Variants in INSL6 observed in about 807,000 individuals in gnomAD.
INSL6 encodes insulin-like peptide INSL6.
INSL6 carries 16 observed loss-of-function variants against 9.4 expected under a neutral mutation model. That is an observed-to-expected ratio of 1.70 (90% CI 1.15 to 2.59). The LOEUF is 2.59. Among genes scored for constraint, INSL6 ranks in the 30% most tolerant of loss-of-function variants. INSL6 has a pLI of 0.00. For synonymous variants in INSL6, 154 were observed against 96.9 expected (o/e 1.59, Z -3.46); for missense variants, 391 against 257.3 (o/e 1.52, Z -3.56).
the INSL6 span, among the ~76,000 whole-genome samples, chr9:5,067,593 T>A: frequency 6.6e-6 from 1 of 151,994 alleles, no homozygotes; most frequent in Admixed American, 6.6e-5. Context: ...CTATCCTAAT[T>A]TCAAAGTATC....
rs778719232 is a variant in INSL6, at chr9:5,185,369, G to A, written c.234C>T (p.Tyr78=). The A allele has an allele frequency of 6.2e-7, 1 of 1,614,154 alleles. No homozygotes were observed. Among genetic ancestry groups the A allele is most frequent in the Non-Finnish European group, 8.5e-7 (1 of 1,180,026 alleles). ...AAGCGGTTTGCGGGCTTTCGAACTG[G>A]TATGGGCTGTAGGCTTCGACCTTCT... The part of the protein sequence containing the change: ...ASEKVEAYSP[Y]QFESPQTASP... The change falls in exon 1 of 2, where the codon TAC becomes TAT. Residue 78 remains tyrosine, a synonymous_variant. Transcript: ENST00000381641.
the INSL6 span, among the ~76,000 whole-genome samples, chr9:5,113,269 A>G: frequency 6.7e-6 from 1 of 149,846 alleles, no homozygotes; most frequent in African/African-American, 2.5e-5. Flanking sequence ...CTTTGTCAGA[A>G]AAGAAAAAAA....
rs547696398 is a variant in INSL6 at position 5,171,995 on chromosome 9, G to A, written c.290-7730C>T. Among the ~76,000 whole-genome samples, 27 of 152,186 alleles carry A rather than the reference G, an allele frequency of 1.8e-4. 1 individual carries two copies. In the East Asian group the frequency reaches 4.3e-3, roughly 24 times the overall value. On this transcript the variant is annotated intron_variant, in intron 1 of 1. Coordinates refer to ENST00000381641, the MANE Select transcript of INSL6 (RefSeq NM_007179.3). ...ACTAGAAGAAACTATTTAAAAAGTC[G>A]TATGGAACCAAAAGAGCTCAAACAG...
chr9:5,021,908 C>A, the INSL6 span: 2 of 1,023,438 alleles, frequency 2.0e-6, no homozygotes, highest in Non-Finnish European at 3.0e-6. Flanking sequence ...GCTAGGATTA[C>A]AGGTGTGAGA....
the INSL6 span, among the ~76,000 whole-genome samples, chr9:5,032,642 G>C: frequency 1.3e-5 from 2 of 152,232 alleles, no homozygotes; most frequent in African/African-American, 4.8e-5. Flanking sequence ...ACAGGGTCTG[G>C]AGTGGACCTC....
rs145724246 is a variant in INSL6, at chr9:5,185,367, T to C, written c.236A>G (p.Gln79Arg). ...SEKVEAYSPYQFESPQTASPA... is the reference protein window; with the variant it reads ...SEKVEAYSPYRFESPQTASPA... ...GGAAGCGGTTTGCGGGCTTTCGAAC[T>C]GGTATGGGCTGTAGGCTTCGACCTT... Residue 79 changes from glutamine to arginine, a missense_variant, in exon 1 of 2, where the codon CAG becomes CGG. Physicochemically the swap from Gln to Arg is conservative, Grantham distance 43. Coordinates refer to ENST00000381641, the MANE Select transcript of INSL6 (RefSeq NM_007179.3). The C allele has an allele frequency of 1.1e-5, 18 of 1,614,006 alleles. No individual in the cohort carries two copies. In the African/African-American group the frequency reaches 2.3e-4, roughly 20 times the overall value.
intron 3 of INSL6, among the ~76,000 whole-genome samples, chr9:5,130,295 C>G (rs960351715): frequency 5.3e-5 from 8 of 152,012 alleles, no homozygotes; most frequent in Non-Finnish European, 1.0e-4. Flanking sequence ...GCAGTAGAAG[C>G]ACTCATATAC....
At chr9:5,030,962 T>C in the INSL6 span, among the ~76,000 whole-genome samples, 1 of 152,118 alleles carries the variant, frequency 6.6e-6, no homozygotes, top group African/African-American at 2.4e-5. Context: ...CAACCAGTTA[T>C]ATAATAGATA....
the INSL6 span, among the ~76,000 whole-genome samples, chr9:5,008,011 G>T: frequency 6.6e-6 from 1 of 152,124 alleles, no homozygotes; most frequent in South Asian, 2.1e-4. Flanking sequence ...TTACAGGCAT[G>T]AGCCACCGCG....
chr9:5,183,810 C>G (rs1318615573), intron 1 of INSL6, among the ~76,000 whole-genome samples: 5 of 152,036 alleles, frequency 3.3e-5, no homozygotes, highest in Non-Finnish European at 5.9e-5. Context: ...TAAACTGGAC[C>G]TTGTTACTCA....
intron 2 of INSL6, among the ~76,000 whole-genome samples, chr9:5,155,025 CG>C (rs924311722): frequency 1.3e-5 from 2 of 151,808 alleles, no homozygotes; most frequent in Non-Finnish European, 2.9e-5. Context: ...CACATGCACA[CG>C]TATGTTTATT....
chr9:5,082,894 T>C, the INSL6 span, among the ~76,000 whole-genome samples: 1 of 152,234 alleles, frequency 6.6e-6, no homozygotes, highest in East Asian at 1.9e-4. Context: ...TAACAGCATC[T>C]CAGGGCAAAG....
At chr9:5,152,631 A>G (rs900788821) in intron 2 of INSL6, among the ~76,000 whole-genome samples, 10 of 152,206 alleles carry the variant, frequency 6.6e-5, no homozygotes, top group African/African-American at 2.4e-4. Flanking sequence ...CCTTAATAAG[A>G]CTATTAACTT....
chr9:5,043,038 G>A, the INSL6 span, among the ~76,000 whole-genome samples: 1 of 152,202 alleles, frequency 6.6e-6, no homozygotes, highest in Non-Finnish European at 1.5e-5. Context: ...CCTGCTGTGT[G>A]GAGGCGCGCG....
At chr9:5,128,084 G>A in intron 3 of INSL6, 1 of 32,444 alleles carries the variant, frequency 3.1e-5, no homozygotes, top group African/African-American at 9.0e-5. Flanking sequence ...TGGGTTTTGT[G>A]TGTGTGTGTG....
At chr9:5,185,213 A>T (rs1278749593) in intron 1 of INSL6, 101 bp downstream of exon 1, 2 of 1,476,748 alleles carry the variant, frequency 1.4e-6, no homozygotes, top group Admixed American at 1.7e-5. Flanking sequence ...TGTACTAGGC[A>T]CAAATTCCAC....
At position 5,185,326 on chromosome 9, in the gene INSL6, C is replaced by T; in HGVS notation, c.277G>A (p.Gly93Ser). 1 of 1,614,068 alleles carries T rather than the reference C, an allele frequency of 6.2e-7. No homozygotes were observed. Among genetic ancestry groups the T allele is most frequent in the South Asian group, 1.1e-5 (1 of 91,058 alleles). Reference sequence around the variant, plus strand: ...TTTCGATTTTTACCTGGGTTTGTGCCTCTTCCCCGGGCCGGGGAAGCGGTT... The same window carrying T: ...TTTCGATTTTTACCTGGGTTTGTGCTTCTTCCCCGGGCCGGGGAAGCGGTT... ...PQTASPARGR[G>S]TNPVSTSWEE... The change falls in exon 1 of 2, where the codon GGC (glycine) becomes AGC (serine). Residue 93 changes from glycine to serine, a missense_variant. Physicochemically the swap from Gly to Ser is moderately conservative, Grantham distance 56. Transcript: ENST00000381641.
the INSL6 span, among the ~76,000 whole-genome samples, chr9:5,075,046 T>G: frequency 7.2e-5 from 11 of 152,208 alleles, no homozygotes; most frequent in East Asian, 2.1e-3. Context: ...CAACATTCCC[T>G]TGAGCCAAAG....
At chr9:4,996,887 A>C in the INSL6 span, among the ~76,000 whole-genome samples, 6 of 150,322 alleles carry the variant, frequency 4.0e-5, no homozygotes, top group Non-Finnish European at 8.9e-5. Context: ...AACAGTCTTC[A>C]TGGTGGGAGT....
Sources: gnomAD v4.1 joint callset for allele counts (sites outside exome capture counted in the v4.1 genomes callset) on GRCh38, gnomAD v4.1.1 for gene constraint, MANE v1.5 for transcripts, NCBI Gene and HGNC (gene_info 2026-07-23, HGNC 2026-07-21) for gene names.